The following AKAP13 variants were observed in gnomAD, a reference collection of about 807,000 sequenced individuals.
AKAP13 encodes the protein A-kinase anchoring protein 13, also known as A-kinase anchor protein 13.
Under a neutral mutation model 264.5 loss-of-function variants are expected in AKAP13, and 80 were observed. That is an observed-to-expected ratio of 0.30 (90% CI 0.25 to 0.36). The LOEUF (loss-of-function observed/expected upper bound fraction) is 0.36. Among genes scored for constraint, AKAP13 ranks in the 10% least tolerant of loss-of-function variants. AKAP13 has a pLI of 1.00. For synonymous variants in AKAP13, 1,380 were observed against 1,250.2 expected, an observed-to-expected ratio of 1.10 and a Z score of -2.19; for missense variants, 3,712 against 3,435.2, an observed-to-expected ratio of 1.08 and a Z score of -2.01.
intron 17 of AKAP13, among the ~76,000 whole-genome samples, chr15:85,697,394 C>A (rs2085624409): frequency 6.6e-6 from 1 of 152,070 alleles, no homozygotes; most frequent in South Asian, 2.1e-4. Context: ...CATGGTGAAA[C>A]CCCGTCTCTA....
intron 16 of AKAP13, chr15:85,691,993 G>A: frequency 2.4e-6 from 1 of 416,006 alleles, no homozygotes; most frequent in Non-Finnish European, 4.8e-6. Context: ...TCCTTTCCCT[G>A]GAACCCCATT....
chr15:85,558,684 G>A (rs1000660738), intron 5 of AKAP13, among the ~76,000 whole-genome samples: 7 of 152,046 alleles, frequency 4.6e-5, no homozygotes, highest in African/African-American at 1.2e-4. Flanking sequence ...TGATTTTAAC[G>A]TTCACCATTA....
At chr15:85,691,666 C>T (rs2085294329) in intron 16 of AKAP13, among the ~76,000 whole-genome samples, 1 of 152,146 alleles carries the variant, frequency 6.6e-6, no homozygotes, top group Non-Finnish European at 1.5e-5. Context: ...CCCAGTGCCC[C>T]CACTGTTCAC....
chr15:85,410,465 A>G (rs2071907938), intron 1 of AKAP13, among the ~76,000 whole-genome samples: 1 of 151,678 alleles, frequency 6.6e-6, no homozygotes, highest in South Asian at 2.1e-4. Flanking sequence ...TGATGCTTTC[A>G]GGATCAAGTT....
rs779516831 is a variant in AKAP13 at position 85,575,226 on chromosome 15, A to G, written c.758A>G (p.Tyr253Cys). ...SVRHHRELDIYTLTSESDSHH... is the reference protein window; with the variant it reads ...SVRHHRELDICTLTSESDSHH... ...AGGCATCATCGAGAGTTGGACATCT[A>G]TACATTAACCTCTGAGTCTGATTCA... Residue 253 changes from tyrosine to cysteine, a missense_variant, in exon 6 of 37, where the codon TAT (tyrosine) becomes TGT (cysteine). Physicochemically the swap from Tyr to Cys is radical, Grantham distance 194. Coordinates refer to ENST00000394518, the MANE Select transcript of AKAP13 (RefSeq NM_007200.5). The G allele has an allele frequency of 1.4e-5, 22 of 1,614,060 alleles. No individual in the cohort carries two copies. Among genetic ancestry groups the G allele is most frequent in the Non-Finnish European group, 1.8e-5 (21 of 1,180,026 alleles).
In AKAP13 at chr15:85,581,459, G is replaced by C. The variant is rs770822894; in HGVS notation, c.3391G>C (p.Gly1131Arg). The change falls in exon 7 of 37, where the codon GGT becomes CGT. Residue 1131 changes from glycine (G) to arginine (R), a missense_variant. Physicochemically the swap from Gly to Arg is moderately radical, Grantham distance 125. This residue lies in a region of AKAP13 where 2,759 missense variants were observed against 2,411.7 expected (regional missense o/e 1.14). Transcript: ENST00000394518. ...LLSQEKNAVL[G>R]LPVALQDKAV... ...GAGCCAAGAGAAGAATGCCGTTCTA[G>C]GTTTGCCAGTGGCTCTACAGGACAA... The C allele has an allele frequency of 7.4e-6, 12 of 1,614,200 alleles. No individual in the cohort carries two copies. The highest frequency in any genetic ancestry group is 6.7e-5 in the East Asian group (3 of 44,890).
At chr15:85,434,210 G>A (rs1384712539) in intron 1 of AKAP13, among the ~76,000 whole-genome samples, 4 of 152,190 alleles carry the variant, frequency 2.6e-5, no homozygotes, top group South Asian at 2.1e-4. Flanking sequence ...AAGGGGTGAC[G>A]GACGCACCTG....
intron 19 of AKAP13, among the ~76,000 whole-genome samples, chr15:85,714,557 G>A (rs2086811885): frequency 6.6e-6 from 1 of 152,226 alleles, no homozygotes; most frequent in African/African-American, 2.4e-5. Context: ...TCCACCCCTA[G>A]AAGACAAGGG....
chr15:85,479,233 G>A (rs1182495922), intron 1 of AKAP13, among the ~76,000 whole-genome samples: 1 of 152,146 alleles, frequency 6.6e-6, no homozygotes, highest in African/African-American at 2.4e-5. Context: ...CCCCAACCAG[G>A]GCATAACATT....
At position 85,748,132 on chromosome 15, in the gene AKAP13, G is replaced by A. The variant is rs2089423636; in HGVS notation, c.*3455G>A. 6.6e-6 allele frequency: 1 copy of A among 152,184 alleles called. No individual in the cohort carries two copies. Among genetic ancestry groups the A allele is most frequent in the African/African-American group, 2.4e-5 (1 of 41,414 alleles). The allele number at this position is 152,184 out of a possible 1,614,324, so 9.4% of individuals were successfully genotyped here. ...TCTAGGGCTCTTTTTCTGTAGCCAGGTCTTCCCAAGGATTTTAGTATTTGC... is the reference window on the plus strand; with the variant it reads ...TCTAGGGCTCTTTTTCTGTAGCCAGATCTTCCCAAGGATTTTAGTATTTGC... On this transcript the variant is annotated 3_prime_UTR_variant, in exon 37 of 37. Transcript: ENST00000394518.
At chr15:85,707,991 T>C (rs1258887859) in intron 17 of AKAP13, 28 bp from the exon 18 acceptor site, 2 of 1,612,512 alleles carry the variant, frequency 1.2e-6, no homozygotes, top group Admixed American at 1.7e-5. Context: ...GCTTTGTCCA[T>C]GTGACCTTGG....
At chr15:85,629,256 CAAG>C (rs1363058730) in intron 8 of AKAP13, among the ~76,000 whole-genome samples, 3 of 152,024 alleles carry the variant, frequency 2.0e-5, no homozygotes, top group African/African-American at 7.3e-5. Context: ...GGGAAAAGAA[CAAG>C]AAGAGACTCT....
intron 8 of AKAP13, among the ~76,000 whole-genome samples, chr15:85,638,055 A>AC (rs2082144302): frequency 6.8e-6 from 1 of 147,422 alleles, no homozygotes; most frequent in Admixed American, 6.7e-5. Flanking sequence ...ATTTTTTTGT[A>AC]TTTTTTTTTT....
rs1486657435 is a variant in AKAP13, at chr15:85,432,714, G to C, written c.-12+51916G>C. Among the ~76,000 whole-genome samples the C allele has an allele frequency of 2.6e-5, 4 of 152,302 alleles. No homozygotes were observed. The East Asian group carries it at 5.8e-4, about 22-fold the overall frequency. On this transcript the variant is annotated intron_variant, in intron 1 of 36. Transcript: ENST00000394518. The stretch of plus-strand genomic sequence containing the variant: ...ATACAAGGTGAAAAAAATGGTCCAT[G>C]ATCCTGGCAGTGTTGCTATGGACTA...
chr15:85,525,972 ATC>A (rs1350769771), intron 3 of AKAP13, among the ~76,000 whole-genome samples: 1 of 152,206 alleles, frequency 6.6e-6, no homozygotes, highest in Admixed American at 6.5e-5. Flanking sequence ...ATAAAATGAA[ATC>A]TATTTTCAGC....
In AKAP13 at chr15:85,743,696, A is replaced by G; in HGVS notation, c.8263A>G (p.Lys2755Glu). The change falls in exon 36 of 37, where the codon AAA becomes GAA. Residue 2755 changes from lysine to glutamate, a missense_variant. Physicochemically the swap from Lys to Glu is moderately conservative, Grantham distance 56. Around this residue, in one of 3 missense-constraint regions of AKAP13, gnomAD observed 611 missense variants for 539.3 expected, o/e 1.13. Transcript: ENST00000394518. ...ACTGAGTTCAACCAGCCAGACAAACAAAGGACCAGAAGGGCAGAGCCAGGC... is the reference window on the plus strand; with the variant it reads ...ACTGAGTTCAACCAGCCAGACAAACGAAGGACCAGAAGGGCAGAGCCAGGC... ...HILSSTSQTN[K>E]GPEGQSQAPA... 6.2e-7 allele frequency: 1 copy of G among 1,614,154 alleles called. No individual in the cohort carries two copies. Among genetic ancestry groups the G allele is most frequent in the Non-Finnish European group, 8.5e-7 (1 of 1,180,028 alleles).
intron 5 of AKAP13, among the ~76,000 whole-genome samples, chr15:85,558,835 A>G (rs578101943): frequency 9.3e-4 from 142 of 152,074 alleles, no homozygotes; most frequent in Non-Finnish European, 1.8e-3. Context: ...GTAATCCTAC[A>G]GGGTTTCTGT....
intron 19 of AKAP13, among the ~76,000 whole-genome samples, chr15:85,715,044 C>T (rs7165450): frequency 0.32 from 48,460 of 152,122 alleles, 8,162 homozygotes; most frequent in Middle Eastern, 0.49. Flanking sequence ...GATTCTTTAT[C>T]CCCGTTGCCT....
At chr15:85,457,212 A>C (rs7163638) in intron 1 of AKAP13, among the ~76,000 whole-genome samples, 90 of 152,328 alleles carry the variant, frequency 5.9e-4, no homozygotes, top group African/African-American at 2.1e-3. Context: ...CTAAAATTCT[A>C]GTGTAGGTCT....
Sources: gnomAD v4.1 joint callset for allele counts (sites outside exome capture counted in the v4.1 genomes callset) on GRCh38, gnomAD v4.1.1 for gene constraint, gnomAD v4.1.1 regional missense constraint, MANE v1.5 for transcripts, NCBI Gene and HGNC (gene_info 2026-07-23, HGNC 2026-07-21) for gene names.